The following ZC3H13 variants were observed in gnomAD, a reference collection of about 807,000 sequenced individuals.
ZC3H13 encodes zinc finger CCCH-type containing 13.
ZC3H13 carries 64 observed loss-of-function variants against 204.1 expected under a neutral mutation model. The observed-to-expected ratio is 0.31, with a 90% CI of 0.26 to 0.39. ZC3H13 has a LOEUF of 0.39. ZC3H13 is among the 10% of genes least tolerant of loss of function. ZC3H13 has a pLI of 1.00. For missense variants in ZC3H13, 1,833 were observed against 2,082.7 expected, an observed-to-expected ratio of 0.88 and a Z score of 2.33; for synonymous variants, 667 against 693.7, an observed-to-expected ratio of 0.96 and a Z score of 0.60.
In ZC3H13 at chr13:45,957,229, C is replaced by T. The variant is rs1468443897; in HGVS notation, c.4908G>A (p.Arg1636=). The change falls in exon 19 of 19, where the codon CGG becomes CGA. Residue 1636 remains arginine, a synonymous_variant. Coordinates refer to ENST00000679008, the MANE Select transcript of ZC3H13 (RefSeq NM_001330564.2). ...GGCAAGTAGTCTTCCGCTTAAATAACCGAAGACTCAATCGAAGTAATTCAT... is the reference window on the plus strand; with the variant it reads ...GGCAAGTAGTCTTCCGCTTAAATAATCGAAGACTCAATCGAAGTAATTCAT... ...VDNELLRLSL[R]LFKRKTTCHA... The T allele has an allele frequency of 1.3e-6, 2 of 1,548,584 alleles. No individual in the cohort carries two copies. Among genetic ancestry groups the T allele is most frequent in the African/African-American group, 1.4e-5 (1 of 73,112 alleles).
At position 46,011,444 on chromosome 13, in the gene ZC3H13, T is replaced by C. The variant is rs1371819626; in HGVS notation, c.559A>G (p.Lys187Glu). The change falls in exon 6 of 19, where the codon AAG becomes GAG. Residue 187 changes from lysine (K) to glutamate (E), a missense_variant. Physicochemically the swap from Lys to Glu is moderately conservative, Grantham distance 56. Around this residue, in one of 5 missense-constraint regions of ZC3H13, gnomAD observed 1,574 missense variants for 1,757.2 expected, o/e 0.90. Transcript: ENST00000679008. ...TTTTTAATGATAATTTCTTCTCTCT[T>C]CTCCATGTTTTCTTGTTCCAGCTTC... ...LMKLEQENME[K>E]REEIIIKKEV... 3.1e-6 allele frequency: 5 copies of C among 1,606,436 alleles called. No homozygotes were observed. Among genetic ancestry groups the C allele is most frequent in the Non-Finnish European group, 4.2e-6 (5 of 1,177,238 alleles).
At position 46,018,076 on chromosome 13, in the gene ZC3H13, G is replaced by A. The variant is rs1337616657; in HGVS notation, c.448+2373C>T. 3.3e-5 allele frequency among the ~76,000 whole-genome samples: 5 copies of A among 152,110 alleles called. No homozygotes were observed. The South Asian group carries it at 8.3e-4, about 25-fold the overall frequency. On this transcript the variant is annotated intron_variant, in intron 5 of 18. Coordinates refer to ENST00000679008, the MANE Select transcript of ZC3H13 (RefSeq NM_001330564.2). ...GGCACACAGAATACAAGGAGCCTCC[G>A]TGTAAGACTGAAGGGCTTGAACAGG... is the stretch of plus-strand genomic sequence containing the variant.
chr13:46,005,681 G>C lies in ZC3H13; in HGVS notation c.747-2345C>G, dbSNP rs529415293. ...AATTTCATATTTTTGTAGAGACAGG[G>C]TTTTATCACGTTATCCAGGCTGGTC... On this transcript the variant is annotated intron_variant, in intron 7 of 18. Coordinates refer to ENST00000679008, the MANE Select transcript of ZC3H13 (RefSeq NM_001330564.2). 7.2e-5 allele frequency among the ~76,000 whole-genome samples: 11 copies of C among 152,208 alleles called. 1 individual carries two copies. The South Asian group carries it at 2.3e-3, about 32-fold the overall frequency.
chr13:45,969,313 C>A lies in ZC3H13; in HGVS notation c.3231G>T (p.Glu1077Asp), dbSNP rs1287049928. Residue 1077 changes from glutamate to aspartate, a missense_variant, in exon 14 of 19, where the codon GAG becomes GAT. By Grantham distance (45) the Glu-to-Asp change is conservative (BLOSUM62 2). Transcript: ENST00000679008. Reference protein sequence around the residue: ...WSDEDVPDRTEVTEAEHTATA... With the variant: ...WSDEDVPDRTDVTEAEHTATA... ...TGGCAGTATGCTCTGCTTCTGTCAC[C>A]TCTGTACGGTCAGGGACATCCTCAT... The A allele has an allele frequency of 6.2e-7, 1 of 1,613,880 alleles. No homozygotes were observed. The highest frequency in any genetic ancestry group is 1.1e-5 in the South Asian group (1 of 91,074).
chr13:46,030,819 A>C (rs1287041199), intron 4 of ZC3H13, among the ~76,000 whole-genome samples: 1 of 152,230 alleles, frequency 6.6e-6, no homozygotes, highest in Non-Finnish European at 1.5e-5. Context: ...ATAAATGAAG[A>C]GTTATTCCAT....
chr13:46,048,462 T>C (rs1464585981), intron 1 of ZC3H13, among the ~76,000 whole-genome samples: 7 of 150,630 alleles, frequency 4.6e-5, no homozygotes, highest in Non-Finnish European at 1.0e-4. Flanking sequence ...GCGCCTGTAG[T>C]CCCAGCTACT....
chr13:45,966,572 A>G (rs991480032), intron 15 of ZC3H13, among the ~76,000 whole-genome samples: 1 of 152,208 alleles, frequency 6.6e-6, no homozygotes, highest in African/African-American at 2.4e-5. Context: ...AGCAAATTAT[A>G]TATTTTAGAG....
chr13:46,030,132 T>G (rs2042800543), intron 4 of ZC3H13, among the ~76,000 whole-genome samples: 1 of 152,180 alleles, frequency 6.6e-6, no homozygotes, highest in Admixed American at 6.5e-5. Flanking sequence ...AAAACTCACA[T>G]GATTATATCA....
At chr13:46,024,258 T>C (rs2042397782) in intron 4 of ZC3H13, among the ~76,000 whole-genome samples, 1 of 152,198 alleles carries the variant, frequency 6.6e-6, no homozygotes, top group Non-Finnish European at 1.5e-5. Flanking sequence ...ATTTCCAACT[T>C]AATAAAAATT....
intron 8 of ZC3H13, among the ~76,000 whole-genome samples, chr13:45,992,710 T>C (rs2040051021): frequency 6.6e-6 from 1 of 152,214 alleles, no homozygotes; most frequent in African/African-American, 2.4e-5. Flanking sequence ...TAAAAGAGTC[T>C]GGCATTTGAA....
rs376839050 is a variant in ZC3H13, at chr13:45,969,671, T to C, written c.2873A>G (p.Lys958Arg). 5.6e-6 allele frequency: 9 copies of C among 1,610,612 alleles called. No homozygotes were observed. Among genetic ancestry groups the C allele is most frequent in the Non-Finnish European group, 7.6e-6 (9 of 1,179,396 alleles). Residue 958 changes from lysine to arginine, a missense_variant, in exon 14 of 19, where the codon AAG becomes AGG. Lys to Arg is a conservative substitution (Grantham distance 26). This residue lies in a region of ZC3H13 where 1,574 missense variants were observed against 1,757.2 expected (regional missense o/e 0.90). Coordinates refer to ENST00000679008, the MANE Select transcript of ZC3H13 (RefSeq NM_001330564.2). ...TSDRAHDENK[K>R]KAKIQKKPIK... Reference sequence around the variant, plus strand: ...TGGTTTCTTTTGAATTTTTGCTTTCTTCTTGTTTTCATCATGAGCTCGATC... The same window carrying C: ...TGGTTTCTTTTGAATTTTTGCTTTCCTCTTGTTTTCATCATGAGCTCGATC...
chr13:46,049,368 G>A (rs573071158), intron 1 of ZC3H13, among the ~76,000 whole-genome samples: 44 of 151,868 alleles, frequency 2.9e-4, no homozygotes, highest in Non-Finnish European at 6.3e-4. Flanking sequence ...TGTGTAAAAC[G>A]TCTGGTGAAA....
chr13:45,954,904 A>C lies in ZC3H13; in HGVS notation c.*2223T>G, dbSNP rs1250768528. 4 of 152,228 alleles carry C rather than the reference A, an allele frequency of 2.6e-5. No individual in the cohort carries two copies. Among genetic ancestry groups the C allele is most frequent in the African/African-American group, 9.6e-5 (4 of 41,462 alleles). 9.4% of individuals were successfully genotyped at this position (152,228 alleles called of 1,614,324 possible). ...TAGGTATGCTTACAAAACTTTGTTA[A>C]ATAAAGTTGGGTATTGTTAGTATAC... On this transcript the variant is annotated 3_prime_UTR_variant, in exon 19 of 19. Coordinates refer to ENST00000679008, the MANE Select transcript of ZC3H13 (RefSeq NM_001330564.2).
Position 45,968,930 on chromosome 13 carries a change from C to T in ZC3H13, c.3614G>A (p.Arg1205His), listed in dbSNP as rs772437465. The T allele has an allele frequency of 2.0e-5, 32 of 1,614,172 alleles. No individual in the cohort carries two copies. The highest frequency in any genetic ancestry group is 1.7e-4 in the Middle Eastern group (1 of 6,060). ...NRSNRSHTSG[R>H]LRSPSNDSAH... is the part of the protein sequence containing the mutation. ...TGAATCATTGGATGGGGAGCGAAGA[C>T]GACCAGACGTATGACTACGGTTACT... The change falls in exon 14 of 19, where the codon CGT (arginine) becomes CAT (histidine). Residue 1205 changes from arginine (R) to histidine (H), a missense_variant. By Grantham distance (29) the Arg-to-His change is conservative (BLOSUM62 0). This residue lies in a region of ZC3H13 where 1,574 missense variants were observed against 1,757.2 expected (regional missense o/e 0.90). Transcript: ENST00000679008.
chr13:46,016,418 A>T (rs2041911220), intron 5 of ZC3H13, among the ~76,000 whole-genome samples: 1 of 152,176 alleles, frequency 6.6e-6, no homozygotes, highest in Non-Finnish European at 1.5e-5. Context: ...CAATTAATGA[A>T]TGATATGTGA....
intron 1 of ZC3H13, among the ~76,000 whole-genome samples, chr13:46,051,165 T>C (rs1046854250): frequency 2.0e-5 from 3 of 152,214 alleles, no homozygotes; most frequent in Non-Finnish European, 4.4e-5. Flanking sequence ...TAAGATACCA[T>C]CCACTTGCTG....
chr13:46,008,679 T>C (rs537995098), intron 7 of ZC3H13, among the ~76,000 whole-genome samples: 1 of 152,268 alleles, frequency 6.6e-6, no homozygotes, highest in South Asian at 2.1e-4. Context: ...ATGCAGTTTA[T>C]TGGGGAAATG....
rs770825340 is a variant in ZC3H13, at chr13:46,045,524, C to T, written c.-9-8G>A. The T allele has an allele frequency of 6.3e-7, 1 of 1,598,230 alleles. No homozygotes were observed. The highest frequency in any genetic ancestry group is 1.7e-5 in the Admixed American group (1 of 59,724). On this transcript the variant is annotated splice_region_variant and splice_polypyrimidine_tract_variant and intron_variant, in intron 1 of 18. Coordinates refer to ENST00000679008, the MANE Select transcript of ZC3H13 (RefSeq NM_001330564.2). ...TTTTGACATTTTGTACTACTTCAAC[C>T]AAAAAAGAAAGAGGCAAAACTGTAA...
At chr13:45,998,445 A>C (rs896211601) in intron 8 of ZC3H13, among the ~76,000 whole-genome samples, 1 of 152,048 alleles carries the variant, frequency 6.6e-6, no homozygotes, top group Non-Finnish European at 1.5e-5. Context: ...GGAGATTGAC[A>C]CCATCCTGAC....
Sources: gnomAD v4.1 joint callset for allele counts (sites outside exome capture counted in the v4.1 genomes callset) on GRCh38, gnomAD v4.1.1 for gene constraint, gnomAD v4.1.1 regional missense constraint, MANE v1.5 for transcripts, NCBI Gene and HGNC (gene_info 2026-07-23, HGNC 2026-07-21) for gene names.